HDAC9: variants seen among roughly 807,000 people sequenced by gnomAD.
The protein encoded by HDAC9 is MEF-2 interacting transcription repressor (MITR) protein.
Under a neutral mutation model 139.4 loss-of-function variants are expected in HDAC9, and 41 were observed. The ratio of observed to expected loss-of-function variants is 0.29; its 90% CI spans 0.23 to 0.38. The LOEUF is 0.38. Ranked by LOEUF, HDAC9 falls within the 10% of genes least tolerant of loss-of-function variation. The pLI, the probability that HDAC9 is intolerant of heterozygous loss-of-function variation, is 1.00. For missense variants in HDAC9, 1,147 were observed against 1,297.0 expected, an observed-to-expected ratio of 0.88 and a Z score of 1.78; for synonymous variants, 517 against 476.2, an observed-to-expected ratio of 1.09 and a Z score of -1.12.
rs1375509320 is a variant in HDAC9 at position 18,997,337 on chromosome 7, A to G, written c.*1275A>G. 1 of 151,958 alleles carries G rather than the reference A, an allele frequency of 6.6e-6. No individual in the cohort carries two copies. The highest frequency in any genetic ancestry group is 6.6e-5 in the Admixed American group (1 of 15,254). The allele number at this position is 151,958 out of a possible 1,614,324, so 9.4% of individuals were successfully genotyped here. A position where few individuals can be genotyped will look rare whatever the true frequency, so the allele number is the denominator to read the frequency against. On this transcript the variant is annotated 3_prime_UTR_variant, in exon 26 of 26. Coordinates refer to ENST00000686413, the MANE Select transcript of HDAC9 (RefSeq NM_178425.4). ...AACAAAAACAAAAAACAGCCTTTAA[A>G]CAAGTTTCCTTAGTGTCAAAAGTTA...
intron 12 of HDAC9, among the ~76,000 whole-genome samples, chr7:18,701,413 A>C (rs376532182): frequency 4.5e-4 from 52 of 115,318 alleles, no homozygotes; most frequent in Admixed American, 2.0e-3. Context: ...AAAACAAAAC[A>C]AACAAAAAAA....
chr7:18,119,885 T>C (rs1169456669), intron 1 of HDAC9, among the ~76,000 whole-genome samples: 3 of 152,218 alleles, frequency 2.0e-5, no homozygotes, highest in Admixed American at 1.3e-4. Context: ...AGACCATAGG[T>C]GTCATATTGA....
At chr7:18,111,058 T>G (rs1433589537) in intron 1 of HDAC9, among the ~76,000 whole-genome samples, 1 of 152,092 alleles carries the variant, frequency 6.6e-6, no homozygotes, top group African/African-American at 2.4e-5. Flanking sequence ...GTTCCTAGAG[T>G]AAGTACTCTG....
At chr7:18,405,945 G>C (rs969114088) in intron 1 of HDAC9, among the ~76,000 whole-genome samples, 1 of 152,140 alleles carries the variant, frequency 6.6e-6, no homozygotes, top group African/African-American at 2.4e-5. Flanking sequence ...CAGATTTCTG[G>C]GTAACTGGCC....
At chr7:18,651,402 T>C (rs942755839) in intron 11 of HDAC9, among the ~76,000 whole-genome samples, 1 of 152,176 alleles carries the variant, frequency 6.6e-6, no homozygotes, top group Non-Finnish European at 1.5e-5. Context: ...ATTTCCTTTT[T>C]ATGATTCTTT....
intron 21 of HDAC9, among the ~76,000 whole-genome samples, chr7:18,869,940 A>C (rs1798791696): frequency 6.7e-6 from 1 of 149,794 alleles, no homozygotes; most frequent in Non-Finnish European, 1.5e-5. Context: ...GAAATTTGTT[A>C]GAAACTTGTT....
intron 2 of HDAC9, among the ~76,000 whole-genome samples, chr7:18,556,158 C>T (rs1818734326): frequency 6.6e-6 from 1 of 151,978 alleles, no homozygotes; most frequent in Non-Finnish European, 1.5e-5. Flanking sequence ...TGAATCATGG[C>T]TGTATTTAAA....
intron 13 of HDAC9, among the ~76,000 whole-genome samples, chr7:18,734,352 T>C (rs2129136898): frequency 6.6e-6 from 1 of 152,262 alleles, no homozygotes; most frequent in South Asian, 2.1e-4. Flanking sequence ...TTACATTAGG[T>C]ATTTCTCCTA....
rs368625558 is a variant in HDAC9 at position 18,297,290 on chromosome 7, G to A, written c.-42+6775G>A. Among the ~76,000 whole-genome samples, 15 of 152,106 alleles carry A rather than the reference G, an allele frequency of 9.9e-5. No individual in the cohort carries two copies. In the East Asian group the frequency reaches 1.9e-3, roughly 20 times the overall value. ...TAATTAAAAACTGTTTTATGTCCAC[G>A]TATAGGCTTCCTCGGGCTGTCTTTA... On this transcript the variant is annotated intron_variant, in intron 1 of 3. Transcript: ENST00000413509.
At chr7:18,487,530 A>G (rs553014056) in intron 1 of HDAC9, among the ~76,000 whole-genome samples, 1 of 152,168 alleles carries the variant, frequency 6.6e-6, no homozygotes, top group African/African-American at 2.4e-5. Flanking sequence ...AGTAGAGAAG[A>G]TTCCATAACC....
rs150495225 is a variant in HDAC9, at chr7:18,949,486, A to G, written c.2938-4660A>G. ...TAAGACCATAGGTGGTGGTATTTCA[A>G]AGCCCACAAAGGAAACTGTTGGCTG... On this transcript the variant is annotated intron_variant, in intron 23 of 25. Coordinates refer to ENST00000686413, the MANE Select transcript of HDAC9 (RefSeq NM_178425.4). 1,756 of 218,026 alleles carry G rather than the reference A, an allele frequency of 8.1e-3. 11 individuals are homozygous for G. Among genetic ancestry groups the G allele is most frequent in the Non-Finnish European group, 0.012 (1,255 of 103,058 alleles). The allele number at this position is 218,026 out of a possible 1,614,324, so 13.5% of individuals were successfully genotyped here.
chr7:18,261,851 C>G (rs764184813), intron 2 of HDAC9, among the ~76,000 whole-genome samples: 33 of 152,356 alleles, frequency 2.2e-4, no homozygotes, highest in Non-Finnish European at 4.0e-4. Context: ...ATTGTGGCTA[C>G]TTGTCCTAAA....
At chr7:18,292,574 C>T (rs970797461) in intron 1 of HDAC9, among the ~76,000 whole-genome samples, 3 of 151,822 alleles carry the variant, frequency 2.0e-5, no homozygotes, top group African/African-American at 4.8e-5. Context: ...GTGGAGTTAC[C>T]GCTGTAAAAA....
upstream of HDAC9, among the ~76,000 whole-genome samples, chr7:18,493,324 A>T (rs1796500743): frequency 6.6e-6 from 1 of 151,958 alleles, no homozygotes; most frequent in African/African-American, 2.4e-5. Flanking sequence ...TGAAACAGAC[A>T]GTGGGTCCAT....
intron 2 of HDAC9, among the ~76,000 whole-genome samples, chr7:18,227,154 T>G (rs1352681698): frequency 6.6e-6 from 1 of 152,214 alleles, no homozygotes; most frequent in Non-Finnish European, 1.5e-5. Flanking sequence ...TTTGAAATAC[T>G]GATCAATGGG....
Position 18,630,705 on chromosome 7 carries a change from C to T in HDAC9, c.796+1224C>T, listed in dbSNP as rs801538. ...TATTATCCAACATTAAATATAATCACTAATTTAGACGAATTGAATTCTAAG... is the reference window on the plus strand; with the variant it reads ...TATTATCCAACATTAAATATAATCATTAATTTAGACGAATTGAATTCTAAG... On this transcript the variant is annotated intron_variant, in intron 7 of 25. Transcript: ENST00000686413. Among the ~76,000 whole-genome samples, 1,077 of 152,068 alleles carry T rather than the reference C, an allele frequency of 7.1e-3. 18 individuals are homozygous for T. The highest frequency in any genetic ancestry group is 0.025 in the African/African-American group (1,027 of 41,496).
At chr7:18,318,480 G>A (rs1799808667) in intron 1 of HDAC9, among the ~76,000 whole-genome samples, 1 of 152,186 alleles carries the variant, frequency 6.6e-6, no homozygotes, top group Non-Finnish European at 1.5e-5. Flanking sequence ...GATACCTGGA[G>A]TCACCTGTGG....
At chr7:18,174,600 G>A (rs932990927) in intron 2 of HDAC9, among the ~76,000 whole-genome samples, 5 of 152,172 alleles carry the variant, frequency 3.3e-5, no homozygotes, top group African/African-American at 1.2e-4. Flanking sequence ...ATCTACCTTT[G>A]GTCTTTGATG....
chr7:18,501,141 A>G (rs1798246620), intron 2 of HDAC9, among the ~76,000 whole-genome samples: 1 of 152,194 alleles, frequency 6.6e-6, no homozygotes, highest in Admixed American at 6.6e-5. Context: ...AAAACAAACA[A>G]AAAACTAAAT....
Sources: allele counts gnomAD v4.1 joint callset (sites outside exome capture counted in the v4.1 genomes callset), GRCh38; gene constraint gnomAD v4.1.1; transcripts MANE v1.5; gene names NCBI Gene and HGNC (gene_info 2026-07-23, HGNC 2026-07-21).